Variants in RFX1 observed in about 807,000 individuals in gnomAD.
RFX1 encodes the protein regulatory factor X1, also known as MHC class II regulatory factor RFX1.
Under a neutral mutation model 119.6 loss-of-function variants are expected in RFX1, and 42 were observed. That is an observed-to-expected ratio of 0.35 (90% confidence interval 0.27 to 0.45). RFX1 has a LOEUF of 0.45. Ranked by LOEUF, RFX1 falls within the 20% of genes least tolerant of loss-of-function variation. The pLI is 1.00. For synonymous variants in RFX1, 628 were observed against 618.5 expected, an observed-to-expected ratio of 1.02 and a Z score of -0.23; for missense variants, 1,118 against 1,368.1, an observed-to-expected ratio of 0.82 and a Z score of 2.88.
chr19:13,984,424 G>A (rs1568472903), intron 2 of RFX1, among the ~76,000 whole-genome samples: 1 of 152,158 alleles, frequency 6.6e-6, no homozygotes, highest in Non-Finnish European at 1.5e-5. Context: ...GGGCCTTCGC[G>A]GGGCTGGGGC....
Position 13,966,311 on chromosome 19 carries a change from C to A in RFX1, c.1961+110G>T. ...TCCACACAGCCAAGGATATGTGTACCCCACAAACTGCAGGGGACAAGCAGG... is the reference window on the plus strand; with the variant it reads ...TCCACACAGCCAAGGATATGTGTACACCACAAACTGCAGGGGACAAGCAGG... On this transcript the variant is annotated intron_variant, in intron 14 of 20. Transcript: ENST00000254325. The surrounding 1 kb of genome is among the most constrained non-coding windows in gnomAD (Gnocchi z 6.3). 1.5e-6 allele frequency: 1 copy of A among 676,056 alleles called. No homozygotes were observed. The highest frequency in any genetic ancestry group is 2.6e-6 in the Non-Finnish European group (1 of 382,890). The allele number at this position is 676,056 out of a possible 1,614,324, so 41.9% of individuals were successfully genotyped here.
In RFX1 at chr19:13,966,395, T is replaced by G. The variant is rs1023610647; in HGVS notation, c.1961+26A>C. 1 of 1,492,434 alleles carries G rather than the reference T, an allele frequency of 6.7e-7. No individual in the cohort carries two copies. 92.4% of individuals were successfully genotyped at this position (1,492,434 alleles called of 1,614,324 possible). On this transcript the variant is annotated intron_variant, in intron 14 of 20. Transcript: ENST00000254325. The surrounding 1 kb of genome is among the most constrained non-coding windows in gnomAD (Gnocchi z 6.3). Reference sequence around the variant, plus strand: ...GTCATGCCCTCCTCCCCCCTCTCCCTCCCACAGTCGCCGGGCAGTACTCAC... The same window carrying G: ...GTCATGCCCTCCTCCCCCCTCTCCCGCCCACAGTCGCCGGGCAGTACTCAC...
In RFX1 at chr19:13,982,240, G is replaced by A. The variant is rs537087529; in HGVS notation, c.514-12C>T. 13 of 1,278,790 alleles carry A rather than the reference G, an allele frequency of 1.0e-5. No homozygotes were observed. In the South Asian group the frequency reaches 4.3e-4, roughly 43 times the overall value. 79.2% of individuals were successfully genotyped at this position (1,278,790 alleles called of 1,614,324 possible). On this transcript the variant is annotated splice_polypyrimidine_tract_variant and intron_variant, in intron 4 of 20. Transcript: ENST00000254325. ...TGCGTGGGAAGAGCCTGGGGCCAGG[G>A]AGGGAGAGGGAGGGCAGATCACTGA... is the stretch of plus-strand genomic sequence containing the variant.
At chr19:13,983,159 G>C (rs1974481313) in intron 4 of RFX1, 28 bp downstream of exon 4, 2 of 1,523,778 alleles carry the variant, frequency 1.3e-6, no homozygotes, top group African/African-American at 2.7e-5. Context: ...GAGCCTTCCA[G>C]GGTGGTGGCC....
In RFX1 at chr19:13,962,863, G is replaced by C. The variant is rs1210759805; in HGVS notation, c.2772C>G (p.Asp924Glu). Residue 924 changes from aspartate (D) to glutamate (E), a missense_variant and splice_region_variant, in exon 21 of 21, where the codon GAC becomes GAG. This residue lies in a region of RFX1 where 138 missense variants were observed against 117.8 expected (regional missense o/e 1.17). Coordinates refer to ENST00000254325, the MANE Select transcript of RFX1 (RefSeq NM_002918.5). ...TCTCCTCCTCCTCTTCTTCCTCCTC[G>C]TCTGGAACACAGGGACCAAGTCCGG... ...TSLNPLDPDK[D>E]EEEEEEEESE... is the part of the protein sequence containing the mutation. The C allele has an allele frequency of 1.3e-6, 2 of 1,530,090 alleles. No individual in the cohort carries two copies. Among genetic ancestry groups the C allele is most frequent in the Admixed American group, 2.0e-5 (1 of 48,820 alleles). The allele number at this position is 1,530,090 out of a possible 1,614,324, so 94.8% of individuals were successfully genotyped here. A position where few individuals can be genotyped will look rare whatever the true frequency, so the allele number is the denominator to read the frequency against.
Position 13,962,671 on chromosome 19 carries a change from G to A in RFX1, c.*24C>T. On this transcript the variant is annotated 3_prime_UTR_variant, in exon 21 of 21. Transcript: ENST00000254325. ...CCTGGCGTGGAGGGGTGGCGGGGGC[G>A]GGTGGGGCGGGGAGGCCAAGGGCTT... 2 of 1,499,732 alleles carry A rather than the reference G, an allele frequency of 1.3e-6. No individual in the cohort carries two copies. The highest frequency in any genetic ancestry group is 8.9e-7 in the Non-Finnish European group (1 of 1,128,648). 92.9% of individuals were successfully genotyped at this position (1,499,732 alleles called of 1,614,324 possible).
chr19:13,983,882 T>C (rs1974516468), intron 2 of RFX1, among the ~76,000 whole-genome samples: 1 of 152,166 alleles, frequency 6.6e-6, no homozygotes, highest in Non-Finnish European at 1.5e-5. Context: ...AGAGCTATGA[T>C]GCTCAAAACC....
In RFX1 at chr19:13,962,010, ACTCCCCGG is replaced by A. The variant is rs1444152253; in HGVS notation, c.*677_*684del. ...GGCGCGGGGGCTGGGGTCTGTGGGCACTCCCCGGCTCCGCGGCTCGCTGCTCTTTGGAA... is the reference window on the plus strand; with the variant it reads ...GGCGCGGGGGCTGGGGTCTGTGGGCACTCCGCGGCTCGCTGCTCTTTGGAA... On this transcript the variant is annotated 3_prime_UTR_variant, in exon 21 of 21. Coordinates refer to ENST00000254325, the MANE Select transcript of RFX1 (RefSeq NM_002918.5). The A allele has an allele frequency of 6.6e-6, 1 of 151,662 alleles. No individual in the cohort carries two copies. The highest frequency in any genetic ancestry group is 1.5e-5 in the Non-Finnish European group (1 of 67,962). 9.4% of individuals were successfully genotyped at this position (151,662 alleles called of 1,614,324 possible). A position where few individuals can be genotyped will look rare whatever the true frequency, so the allele number is the denominator to read the frequency against.
At chr19:13,983,102 A>AGG (rs1198165049) in intron 4 of RFX1, 85 bp downstream of exon 4, 12 of 1,053,878 alleles carry the variant, frequency 1.1e-5, no homozygotes, top group Non-Finnish European at 1.5e-5. Context: ...CATCCTGGTG[A>AGG]GGACAGATCC....
rs1974121155 is a variant in RFX1 at position 13,972,764 on chromosome 19, G to A, written c.1293C>T (p.Thr431=). 2 of 1,602,866 alleles carry A rather than the reference G, an allele frequency of 1.2e-6. No homozygotes were observed. Among genetic ancestry groups the A allele is most frequent in the Non-Finnish European group, 1.7e-6 (2 of 1,173,956 alleles). The change falls in exon 9 of 21, where the codon ACC becomes ACT. Residue 431 remains threonine, a synonymous_variant. Coordinates refer to ENST00000254325, the MANE Select transcript of RFX1 (RefSeq NM_002918.5). ...LGSASQSYSH[T]TRASPATVQW... The stretch of plus-strand genomic sequence containing the variant: ...TTACCGTGGCTGGCGAGGCACGGGT[G>A]GTGTGAGAGTAAGACTGGCTGGCAC...
intron 2 of RFX1, among the ~76,000 whole-genome samples, chr19:13,989,780 C>A (rs913930369): frequency 1.3e-5 from 2 of 152,012 alleles, no homozygotes; most frequent in African/African-American, 2.4e-5. Context: ...CAGTTGTGAA[C>A]CTGCTCCCTC....
chr19:13,997,954 T>G (rs1390288671), intron 1 of RFX1, among the ~76,000 whole-genome samples: 1 of 152,140 alleles, frequency 6.6e-6, no homozygotes, highest in Non-Finnish European at 1.5e-5. Context: ...AACTCCTTTC[T>G]GCCAGCATTA....
intron 1 of RFX1, among the ~76,000 whole-genome samples, chr19:14,000,883 C>G (rs907018328): frequency 2.0e-5 from 3 of 152,034 alleles, no homozygotes; most frequent in African/African-American, 7.2e-5. Flanking sequence ...TTGCTTGAGG[C>G]CAGAAGTTTG....
chr19:13,990,357 G>A lies in RFX1; in HGVS notation c.319+3168C>T, dbSNP rs978703639. The stretch of plus-strand genomic sequence containing the variant: ...TTTGGGAAAAAGGGGGCCAGCTGCA[G>A]GGGGTCCAGCAGCTGGAGGTTCCTG... On this transcript the variant is annotated intron_variant, in intron 2 of 20. Transcript: ENST00000254325. This position sits in a 1 kb window ranked among gnomAD's most constrained non-coding sequence, Gnocchi z 4.1. Among the ~76,000 whole-genome samples the A allele has an allele frequency of 1.2e-4, 19 of 152,070 alleles. No homozygotes were observed. Among genetic ancestry groups the A allele is most frequent in the African/African-American group, 4.6e-4 (19 of 41,398 alleles).
In RFX1 at chr19:13,968,727, G is replaced by A; in HGVS notation, c.1617-47C>T. On this transcript the variant is annotated intron_variant, in intron 11 of 20. Coordinates refer to ENST00000254325, the MANE Select transcript of RFX1 (RefSeq NM_002918.5). The surrounding 1 kb of genome is among the most constrained non-coding windows in gnomAD (Gnocchi z 5.5). Reference sequence around the variant, plus strand: ...GGCCGGCTGCTGGGGGCCGGCCTGTGTGCCCTTCCCCGCCTGCCCTGCCCT... The same window carrying A: ...GGCCGGCTGCTGGGGGCCGGCCTGTATGCCCTTCCCCGCCTGCCCTGCCCT... The A allele has an allele frequency of 6.2e-7, 1 of 1,609,150 alleles. No homozygotes were observed. The highest frequency in any genetic ancestry group is 8.5e-7 in the Non-Finnish European group (1 of 1,178,288).
intron 8 of RFX1, among the ~76,000 whole-genome samples, chr19:13,973,949 TA>T (rs57115525): frequency 0.028 from 3,881 of 140,438 alleles, 84 homozygotes; most frequent in African/African-American, 0.064. Flanking sequence ...TCTTTTTAAT[TA>T]AAAAAAAAAA....
At chr19:14,004,275 C>T (rs1401075017) in intron 1 of RFX1, among the ~76,000 whole-genome samples, 1 of 152,036 alleles carries the variant, frequency 6.6e-6, no homozygotes, top group Non-Finnish European at 1.5e-5. Context: ...TTTGGGAGGC[C>T]GAGGCAGGTA....
At position 13,972,940 on chromosome 19, in the gene RFX1, C is replaced by T; in HGVS notation, c.1117G>A (p.Gly373Arg). 1.3e-6 allele frequency: 2 copies of T among 1,599,294 alleles called. No homozygotes were observed. Among genetic ancestry groups the T allele is most frequent in the Non-Finnish European group, 1.7e-6 (2 of 1,179,336 alleles). ...CCGCTGCTGTTGCTGGCCCCAGCCC[C>T]AGTGCTGGTGGAGCTGGCGACGACC... ...SQVVASSTST[G>R]AGASNSSGGG... The change falls in exon 9 of 21, where the codon GGG (glycine) becomes AGG (arginine). Residue 373 changes from glycine to arginine, a missense_variant. Coordinates refer to ENST00000254325, the MANE Select transcript of RFX1 (RefSeq NM_002918.5).
intron 6 of RFX1, among the ~76,000 whole-genome samples, chr19:13,979,992 G>T (rs901322068): frequency 1.1e-4 from 16 of 151,988 alleles, no homozygotes; most frequent in Admixed American, 2.0e-4. Flanking sequence ...CTGGAGGTTC[G>T]GGGGGGCTCT....
Sources: allele counts gnomAD v4.1 joint callset (sites outside exome capture counted in the v4.1 genomes callset), GRCh38; gene constraint gnomAD v4.1.1; regional missense constraint gnomAD v4.1.1; non-coding constraint Gnocchi (gnomAD v3.1); transcripts MANE v1.5; gene names NCBI Gene and HGNC (gene_info 2026-07-23, HGNC 2026-07-21).